TBC1D22A: variants seen among roughly 807,000 people sequenced by gnomAD.
The protein encoded by TBC1D22A is TBC1 domain family member 22A.
Under a neutral mutation model 60.2 loss-of-function variants are expected in TBC1D22A, and 38 were observed. That is an observed-to-expected ratio of 0.63 (90% confidence interval 0.49 to 0.83). TBC1D22A has a LOEUF of 0.83. TBC1D22A is among the 40% of genes least tolerant of loss of function. TBC1D22A has a pLI of 0.00. For synonymous variants in TBC1D22A, 302 were observed against 281.7 expected, an observed-to-expected ratio of 1.07 and a Z score of -0.72; for missense variants, 628 against 701.0, an observed-to-expected ratio of 0.90 and a Z score of 1.18.
chr22:47,082,739 A>C (rs1469669370), intron 11 of TBC1D22A, among the ~76,000 whole-genome samples: 1 of 152,246 alleles, frequency 6.6e-6, no homozygotes, highest in African/African-American at 2.4e-5. Flanking sequence ...CTAAGTGCTG[A>C]CAAGTATGTG....
At chr22:46,971,026 T>C (rs1169285767) in intron 8 of TBC1D22A, among the ~76,000 whole-genome samples, 1 of 152,210 alleles carries the variant, frequency 6.6e-6, no homozygotes, top group Non-Finnish European at 1.5e-5. Flanking sequence ...GGATGCTTTC[T>C]CTGGCGGGGG....
intron 11 of TBC1D22A, among the ~76,000 whole-genome samples, chr22:47,072,932 C>T (rs1036845806): frequency 4.6e-5 from 7 of 152,194 alleles, no homozygotes; most frequent in African/African-American, 1.7e-4. Flanking sequence ...GCCCCACACT[C>T]CTATATGAAG....
At chr22:46,974,207 T>A (rs2074192940) in intron 8 of TBC1D22A, 83 bp from the exon 9 acceptor site, 2 of 1,164,650 alleles carry the variant, frequency 1.7e-6, no homozygotes, top group African/African-American at 1.5e-5. Context: ...CAGGCTCAGC[T>A]CTGTTCCTCC....
intron 12 of TBC1D22A, among the ~76,000 whole-genome samples, chr22:47,122,981 C>T (rs1046845725): frequency 1.3e-5 from 2 of 152,162 alleles, no homozygotes; most frequent in African/African-American, 2.4e-5. Context: ...TAGAATTATA[C>T]CTGGAAGGAG....
At chr22:47,072,201 A>G (rs1388797727) in intron 11 of TBC1D22A, among the ~76,000 whole-genome samples, 2 of 152,146 alleles carry the variant, frequency 1.3e-5, no homozygotes, top group Admixed American at 6.5e-5. Context: ...GAGCCTGGAG[A>G]GGCTGCCCTC....
chr22:47,141,052 C>T (rs1426936249), intron 12 of TBC1D22A, among the ~76,000 whole-genome samples: 1 of 152,200 alleles, frequency 6.6e-6, no homozygotes, highest in Non-Finnish European at 1.5e-5. Flanking sequence ...CACAGTTCCA[C>T]ATGGCTGGGG....
chr22:47,096,673 T>C (rs1343661382), intron 11 of TBC1D22A, among the ~76,000 whole-genome samples: 1 of 152,044 alleles, frequency 6.6e-6, no homozygotes, highest in Non-Finnish European at 1.5e-5. Flanking sequence ...AATACAAAAA[T>C]TAGCCGGGTG....
chr22:46,851,259 ATAG>A (rs976351343), intron 4 of TBC1D22A, among the ~76,000 whole-genome samples: 3 of 152,230 alleles, frequency 2.0e-5, no homozygotes, highest in Admixed American at 2.0e-4. Flanking sequence ...GAGGTGAGGA[ATAG>A]TAGTAGACCA....
chr22:47,171,897 C>T (rs1310041881), intron 12 of TBC1D22A, among the ~76,000 whole-genome samples: 2 of 152,208 alleles, frequency 1.3e-5, no homozygotes, highest in African/African-American at 4.8e-5. Context: ...GGGGGTGGGA[C>T]TCAGTGCCCC....
chr22:46,832,210 G>A (rs1280571371), intron 4 of TBC1D22A, among the ~76,000 whole-genome samples: 3 of 152,232 alleles, frequency 2.0e-5, no homozygotes, highest in Admixed American at 2.0e-4. Context: ...CTGGAGACCA[G>A]GTGGCCATGG....
chr22:47,059,211 ACTGT>A (rs946778111), intron 11 of TBC1D22A, among the ~76,000 whole-genome samples: 33 of 152,352 alleles, frequency 2.2e-4, no homozygotes, highest in African/African-American at 7.9e-4. Flanking sequence ...GGGCGCCTCC[ACTGT>A]CTGGCACCTG....
At chr22:47,108,389 C>T (rs1390609026) in intron 11 of TBC1D22A, among the ~76,000 whole-genome samples, 5 of 152,312 alleles carry the variant, frequency 3.3e-5, no homozygotes, top group African/African-American at 4.8e-5. Flanking sequence ...TCTATTCGTC[C>T]GTGCAGTGTC....
rs1000342105 is a variant in TBC1D22A at position 46,806,208 on chromosome 22, G to A, written c.637+8588G>A. The stretch of plus-strand genomic sequence containing the variant: ...CAGTGCCGAGCGCTGTGTGGAAAAC[G>A]TAGTATAGAGACCCAGATGTTTGAT... On this transcript the variant is annotated intron_variant, in intron 4 of 12. Transcript: ENST00000337137. Among the ~76,000 whole-genome samples, 8 of 152,244 alleles carry A rather than the reference G, an allele frequency of 5.3e-5. No homozygotes were observed. The East Asian group carries it at 9.6e-4, about 18-fold the overall frequency.
intron 7 of TBC1D22A, among the ~76,000 whole-genome samples, chr22:46,897,575 A>G (rs2068741718): frequency 6.6e-6 from 1 of 150,454 alleles, no homozygotes; most frequent in Non-Finnish European, 1.5e-5. Context: ...TTGTGAAGGC[A>G]GTAGCCTCTG....
rs567657139 is a variant in TBC1D22A, at chr22:47,109,376, C to T, written c.1330-2132C>T. 5.3e-3 allele frequency among the ~76,000 whole-genome samples: 810 copies of T among 152,266 alleles called. 4 individuals are homozygous for T. The highest frequency in any genetic ancestry group is 8.2e-3 in the Non-Finnish European group (555 of 68,022). The stretch of plus-strand genomic sequence containing the variant: ...CAGGATTTATAGGAAACTCGAACAA[C>T]GCTGTTGATGAACTTTATTTAGTGG... On this transcript the variant is annotated intron_variant, in intron 11 of 12. Transcript: ENST00000337137.
chr22:46,923,142 T>C (rs1198461465), intron 8 of TBC1D22A, among the ~76,000 whole-genome samples: 1 of 152,220 alleles, frequency 6.6e-6, no homozygotes, highest in Non-Finnish European at 1.5e-5. Context: ...AGAAACAGTA[T>C]AGAGATACTG....
At position 47,039,424 on chromosome 22, in the gene TBC1D22A, G is replaced by A. The variant is rs550743122; in HGVS notation, c.1329+2226G>A. On this transcript the variant is annotated intron_variant, in intron 11 of 12. Coordinates refer to ENST00000337137, the MANE Select transcript of TBC1D22A (RefSeq NM_014346.5). Reference sequence around the variant, plus strand: ...TGATTACTCTCCCCTAAACTGGGGGGTTTATTAGCTGAGCCATTACAGGTT... The same window carrying A: ...TGATTACTCTCCCCTAAACTGGGGGATTTATTAGCTGAGCCATTACAGGTT... 1.6e-4 allele frequency among the ~76,000 whole-genome samples: 25 copies of A among 152,224 alleles called. No homozygotes were observed. In the South Asian group the frequency reaches 3.9e-3, roughly 24 times the overall value.
intron 9 of TBC1D22A, among the ~76,000 whole-genome samples, chr22:46,976,159 A>T (rs928776407): frequency 6.6e-6 from 1 of 152,220 alleles, no homozygotes; most frequent in African/African-American, 2.4e-5. Flanking sequence ...ATACAAGATT[A>T]TCTGCCCTCT....
chr22:47,058,962 C>T (rs2063484358), intron 11 of TBC1D22A, among the ~76,000 whole-genome samples: 1 of 152,180 alleles, frequency 6.6e-6, no homozygotes, highest in African/African-American at 2.4e-5. Context: ...TGAAGAAGGA[C>T]CAGTCATCAT....
Sources: gnomAD v4.1 joint callset for allele counts (sites outside exome capture counted in the v4.1 genomes callset) on GRCh38, gnomAD v4.1.1 for gene constraint, MANE v1.5 for transcripts, NCBI Gene and HGNC (gene_info 2026-07-23, HGNC 2026-07-21) for gene names.